Variants in GRM8 observed in about 807,000 individuals in gnomAD.
GRM8 encodes the protein glutamate metabotropic receptor 8, also known as metabotropic glutamate receptor 8.
Under a neutral mutation model 87.2 loss-of-function variants are expected in GRM8, and 47 were observed. That is an observed-to-expected ratio of 0.54 (90% CI 0.43 to 0.69). GRM8 has a LOEUF of 0.69. GRM8 is among the 30% of genes least tolerant of loss of function. The pLI, the probability that GRM8 is intolerant of heterozygous loss-of-function variation, is 0.00. For missense variants in GRM8, 1,019 were observed against 1,139.2 expected (o/e 0.89, Z 1.52); for synonymous variants, 396 against 404.5 (o/e 0.98, Z 0.25).
intron 7 of GRM8, among the ~76,000 whole-genome samples, chr7:126,631,371 A>G (rs1433595403): frequency 6.6e-6 from 1 of 152,124 alleles, no homozygotes; most frequent in Non-Finnish European, 1.5e-5. Flanking sequence ...CACTGCCCAA[A>G]GAAATCAGAG....
chr7:126,855,433 C>G (rs1797584224), intron 6 of GRM8, among the ~76,000 whole-genome samples: 1 of 150,712 alleles, frequency 6.6e-6, no homozygotes, highest in Non-Finnish European at 1.5e-5. Flanking sequence ...TAGGAAGTCA[C>G]AGAACCAGAA....
intron 7 of GRM8, among the ~76,000 whole-genome samples, chr7:126,657,563 A>G (rs1804662374): frequency 6.6e-6 from 1 of 152,248 alleles, no homozygotes; most frequent in Non-Finnish European, 1.5e-5. Context: ...ATCAGAGGGC[A>G]TGTATAATAG....
chr7:127,128,035 C>A (rs1189566116), intron 2 of GRM8, among the ~76,000 whole-genome samples: 1 of 152,074 alleles, frequency 6.6e-6, no homozygotes, highest in Non-Finnish European at 1.5e-5. Flanking sequence ...TTACTCACAT[C>A]TCTTGTGACA....
chr7:126,833,216 G>C lies in GRM8; in HGVS notation c.1157-63151C>G, dbSNP rs535480195. 2.6e-5 allele frequency among the ~76,000 whole-genome samples: 4 copies of C among 152,226 alleles called. No individual in the cohort carries two copies. In the East Asian group the frequency reaches 7.7e-4, roughly 29 times the overall value. On this transcript the variant is annotated intron_variant, in intron 6 of 10. Transcript: ENST00000339582. ...AGCTGGTGGAAAGAGATACTCAAAGGGTAAGGAAGAGGCGGTACAAAGATA... is the reference window on the plus strand; with the variant it reads ...AGCTGGTGGAAAGAGATACTCAAAGCGTAAGGAAGAGGCGGTACAAAGATA...
chr7:126,609,624 T>A (rs1285139866), intron 7 of GRM8, 126 bp from the exon 8 acceptor site: 1 of 685,542 alleles, frequency 1.5e-6, no homozygotes, highest in Non-Finnish European at 2.4e-6. Flanking sequence ...AAGATTGCAA[T>A]CCATACAAGG....
chr7:126,513,683 A>C (rs546710018), intron 9 of GRM8, among the ~76,000 whole-genome samples: 2 of 152,248 alleles, frequency 1.3e-5, no homozygotes, highest in African/African-American at 4.8e-5. Flanking sequence ...TACTTAGGTA[A>C]GTAGGACTGA....
intron 7 of GRM8, among the ~76,000 whole-genome samples, chr7:126,691,153 G>C (rs1330922214): frequency 6.6e-6 from 1 of 152,218 alleles, no homozygotes; most frequent in African/African-American, 2.4e-5. Flanking sequence ...AGCCAACACT[G>C]AGCTGCCCTT....
intron 3 of GRM8, among the ~76,000 whole-genome samples, chr7:126,980,057 G>A (rs937324809): frequency 5.9e-5 from 9 of 152,204 alleles, no homozygotes; most frequent in African/African-American, 1.7e-4. Flanking sequence ...TTCATCATGC[G>A]CTACTGGACA....
intron 3 of GRM8, among the ~76,000 whole-genome samples, chr7:126,931,281 T>C (rs946223366): frequency 2.0e-5 from 3 of 152,194 alleles, no homozygotes; most frequent in Admixed American, 1.3e-4. Flanking sequence ...ACAAATTCAA[T>C]GATGTGCTTT....
chr7:127,128,439 T>C (rs1233319223), intron 2 of GRM8, among the ~76,000 whole-genome samples: 2 of 152,100 alleles, frequency 1.3e-5, no homozygotes, highest in Admixed American at 6.6e-5. Flanking sequence ...ACTGTTTCCA[T>C]ACAGCCTGGC....
chr7:126,749,515 A>G (rs1468098752), intron 7 of GRM8, among the ~76,000 whole-genome samples: 3 of 151,152 alleles, frequency 2.0e-5, no homozygotes, highest in Non-Finnish European at 4.4e-5. Context: ...GTGAAAAGAA[A>G]AATATTTGTT....
At chr7:127,018,084 G>C (rs1309970111) in intron 3 of GRM8, among the ~76,000 whole-genome samples, 1 of 151,846 alleles carries the variant, frequency 6.6e-6, no homozygotes, top group Non-Finnish European at 1.5e-5. Flanking sequence ...GTGAAGAACA[G>C]AGCAAAGCAC....
intron 2 of GRM8, among the ~76,000 whole-genome samples, chr7:127,194,232 A>G (rs1795170645): frequency 6.6e-6 from 1 of 152,254 alleles, no homozygotes. Flanking sequence ...GGAGTCCAAC[A>G]AACCAAGGTT....
intron 3 of GRM8, among the ~76,000 whole-genome samples, chr7:126,923,613 G>A (rs77450424): frequency 1.3e-5 from 2 of 152,200 alleles, no homozygotes; most frequent in Non-Finnish European, 2.9e-5. Context: ...AAATTCAGTG[G>A]ACAAAATGGC....
rs148532362 is a variant in GRM8, at chr7:126,461,321, C to T, written c.2431-14949G>A. Reference sequence around the variant, plus strand: ...ATCACTCAATTCTTTATACATCTCTCACCTGTAAATCCATTTTAGTGTGCT... The same window carrying T: ...ATCACTCAATTCTTTATACATCTCTTACCTGTAAATCCATTTTAGTGTGCT... On this transcript the variant is annotated intron_variant, in intron 9 of 10. Coordinates refer to ENST00000339582, the MANE Select transcript of GRM8 (RefSeq NM_000845.3). Among the ~76,000 whole-genome samples, 29 of 151,640 alleles carry T rather than the reference C, an allele frequency of 1.9e-4. No homozygotes were observed. The East Asian group carries it at 5.3e-3, about 28-fold the overall frequency.
chr7:126,944,214 A>G (rs1355475979), intron 3 of GRM8, among the ~76,000 whole-genome samples: 1 of 152,256 alleles, frequency 6.6e-6, no homozygotes, highest in African/African-American at 2.4e-5. Context: ...AAACATATCC[A>G]AAATAAATCT....
chr7:126,568,926 G>T (rs1252717389), intron 8 of GRM8, among the ~76,000 whole-genome samples: 1 of 152,038 alleles, frequency 6.6e-6, no homozygotes, highest in Non-Finnish European at 1.5e-5. Flanking sequence ...TATCAAGGTT[G>T]ATACTACTGC....
chr7:127,178,312 A>G (rs1794232525), intron 2 of GRM8, among the ~76,000 whole-genome samples: 1 of 152,166 alleles, frequency 6.6e-6, no homozygotes, highest in South Asian at 2.1e-4. Context: ...AAGAAAAAGA[A>G]TAAGAAAATA....
intron 6 of GRM8, among the ~76,000 whole-genome samples, chr7:126,894,145 T>C (rs1337772420): frequency 1.3e-5 from 2 of 152,114 alleles, no homozygotes; most frequent in Non-Finnish European, 2.9e-5. Context: ...TTGTTCCTTT[T>C]TAAAAGTTTG....
Sources: allele counts gnomAD v4.1 joint callset (sites outside exome capture counted in the v4.1 genomes callset), GRCh38; gene constraint gnomAD v4.1.1; transcripts MANE v1.5; gene names NCBI Gene and HGNC (gene_info 2026-07-23, HGNC 2026-07-21).